Variants in NRG3 observed in about 807,000 individuals in gnomAD.
NRG3 encodes pro-neuregulin-3, membrane-bound isoform.
NRG3 carries 31 observed loss-of-function variants against 66.9 expected under a neutral mutation model. The observed-to-expected ratio is 0.46, with a 90% CI of 0.35 to 0.63. NRG3 has a LOEUF of 0.63. NRG3 is among the 20% of genes least tolerant of loss of function. NRG3 has a pLI of 0.00. For missense variants in NRG3, 910 were observed against 878.9 expected (o/e 1.04, Z -0.45); for synonymous variants, 393 against 359.4 (o/e 1.09, Z -1.06).
intron 4 of NRG3, among the ~76,000 whole-genome samples, chr10:82,900,375 C>A (rs1177880538): frequency 6.6e-6 from 1 of 152,038 alleles, no homozygotes; most frequent in Non-Finnish European, 1.5e-5. Flanking sequence ...ATGTACAGTA[C>A]TTTATTGTTA....
chr10:82,398,750 A>C (rs1168864630), intron 2 of NRG3, among the ~76,000 whole-genome samples: 1 of 152,132 alleles, frequency 6.6e-6, no homozygotes, highest in Admixed American at 6.6e-5. Flanking sequence ...TTGAGTACAT[A>C]ATATAGAGAA....
chr10:82,659,749 T>C (rs989358835), intron 2 of NRG3, among the ~76,000 whole-genome samples: 5 of 152,150 alleles, frequency 3.3e-5, no homozygotes, highest in African/African-American at 1.2e-4. Context: ...GTTTGCCATA[T>C]CTTATTTACC....
At chr10:82,359,798 A>G (rs1031428264) in intron 2 of NRG3, among the ~76,000 whole-genome samples, 3 of 152,194 alleles carry the variant, frequency 2.0e-5, no homozygotes, top group African/African-American at 4.8e-5. Context: ...GAAAATTATG[A>G]CTTTTTTCTA....
At chr10:82,451,036 G>T (rs1292146066) in intron 2 of NRG3, among the ~76,000 whole-genome samples, 1 of 152,108 alleles carries the variant, frequency 6.6e-6, no homozygotes, top group Non-Finnish European at 1.5e-5. Flanking sequence ...GCTTCTTCCT[G>T]ATACAAAAAA....
intron 2 of NRG3, among the ~76,000 whole-genome samples, chr10:82,686,518 T>C (rs2265390): frequency 0.85 from 129,904 of 152,118 alleles, 56,228 homozygotes; most frequent in East Asian, 1. Context: ...GGACTGACAG[T>C]ACAGGAAGTT....
At chr10:82,499,439 C>T (rs1843944606) in intron 2 of NRG3, among the ~76,000 whole-genome samples, 1 of 152,154 alleles carries the variant, frequency 6.6e-6, no homozygotes, top group South Asian at 2.1e-4. Context: ...TCTGCTCCTT[C>T]ATTTCTTCAC....
intron 1 of NRG3, among the ~76,000 whole-genome samples, chr10:81,998,407 TGATTCTAG>T (rs2061028353): frequency 6.6e-6 from 1 of 152,202 alleles, no homozygotes; most frequent in Admixed American, 6.5e-5. Context: ...CTGGCCACTC[TGATTCTAG>T]GAACTTTGTG....
At chr10:82,070,617 A>G (rs1331990983) in intron 1 of NRG3, among the ~76,000 whole-genome samples, 1 of 152,182 alleles carries the variant, frequency 6.6e-6, no homozygotes, top group Non-Finnish European at 1.5e-5. Flanking sequence ...TTACAGAATA[A>G]GTATATTAGG....
chr10:82,210,954 A>G (rs993319798), intron 1 of NRG3, among the ~76,000 whole-genome samples: 40 of 150,912 alleles, frequency 2.7e-4, no homozygotes, highest in African/African-American at 9.5e-4. Flanking sequence ...ATATCTTGGT[A>G]TAGTGTAAGA....
At chr10:82,332,944 C>CA (rs2082208896) in intron 1 of NRG3, among the ~76,000 whole-genome samples, 1 of 151,984 alleles carries the variant, frequency 6.6e-6, no homozygotes, top group African/African-American at 2.4e-5. Flanking sequence ...CTCACCCTAA[C>CA]AAAAAAAGAA....
chr10:82,363,505 G>A (rs1399516682), intron 2 of NRG3, among the ~76,000 whole-genome samples: 2 of 152,184 alleles, frequency 1.3e-5, no homozygotes, highest in Non-Finnish European at 2.9e-5. Flanking sequence ...ACCCAGGCTG[G>A]AGTGCGGTGG....
chr10:81,965,096 AC>A (rs2059682093), intron 1 of NRG3, among the ~76,000 whole-genome samples: 1 of 152,240 alleles, frequency 6.6e-6, no homozygotes, highest in Non-Finnish European at 1.5e-5. Context: ...AAAACAGACA[AC>A]CAGCTGTGTT....
At chr10:82,952,717 A>C (rs970684860) in intron 5 of NRG3, among the ~76,000 whole-genome samples, 1 of 151,662 alleles carries the variant, frequency 6.6e-6, no homozygotes, top group Non-Finnish European at 1.5e-5. Context: ...TTTTTTACCA[A>C]TTTGCTCTTC....
rs563127220 is a variant in NRG3, at chr10:82,078,292, G to A, written c.823+202129G>A. 5.3e-5 allele frequency among the ~76,000 whole-genome samples: 8 copies of A among 152,220 alleles called. No homozygotes were observed. The East Asian group carries it at 1.2e-3, about 22-fold the overall frequency. ...GATTGTCTAGGAAAAATGAAAAATAGGAGATGAAGGTGAATGCTAACTCAC... is the reference window on the plus strand; with the variant it reads ...GATTGTCTAGGAAAAATGAAAAATAAGAGATGAAGGTGAATGCTAACTCAC... On this transcript the variant is annotated intron_variant, in intron 1 of 8. Coordinates refer to ENST00000372141, the MANE Select transcript of NRG3 (RefSeq NM_001010848.4).
intron 1 of NRG3, among the ~76,000 whole-genome samples, chr10:82,238,559 A>G (rs1289923575): frequency 1.3e-5 from 2 of 152,018 alleles, no homozygotes; most frequent in African/African-American, 2.4e-5. Flanking sequence ...GACTTTTTGC[A>G]TCATCCAGTT....
At chr10:82,575,806 T>C (rs1241509507) in intron 2 of NRG3, among the ~76,000 whole-genome samples, 1 of 151,782 alleles carries the variant, frequency 6.6e-6, no homozygotes, top group Non-Finnish European at 1.5e-5. Context: ...CAACATAATT[T>C]CGGACAAAGT....
At chr10:82,966,063 A>G (rs957810067) in intron 6 of NRG3, among the ~76,000 whole-genome samples, 1 of 152,136 alleles carries the variant, frequency 6.6e-6, no homozygotes, top group African/African-American at 2.4e-5. Context: ...AAGTTTCTAT[A>G]CTCTGTATTC....
chr10:81,905,268 A>G (rs1207930201), intron 1 of NRG3, among the ~76,000 whole-genome samples: 2 of 152,148 alleles, frequency 1.3e-5, no homozygotes, highest in African/African-American at 2.4e-5. Flanking sequence ...GTGGAAAATC[A>G]CAACCTTCTT....
intron 2 of NRG3, among the ~76,000 whole-genome samples, chr10:82,630,917 G>T: frequency 6.6e-6 from 1 of 152,184 alleles, no homozygotes; most frequent in African/African-American, 2.4e-5. Context: ...TGTTCACAAA[G>T]ACTTTTTTTC....
Sources: allele counts gnomAD v4.1 joint callset (sites outside exome capture counted in the v4.1 genomes callset), GRCh38; gene constraint gnomAD v4.1.1; transcripts MANE v1.5; gene names NCBI Gene and HGNC (gene_info 2026-07-23, HGNC 2026-07-21).